ALDH3B1: variants seen among roughly 807,000 people sequenced by gnomAD.
ALDH3B1 encodes the protein aldehyde dehydrogenase 3 family member B1.
In ALDH3B1, 37 loss-of-function variants were observed where a neutral mutation model predicts 46.2. The ratio of observed to expected loss-of-function variants is 0.80; its 90% CI spans 0.62 to 1.05. ALDH3B1 has a LOEUF of 1.05. Among genes scored for constraint, ALDH3B1 ranks in the 50% least tolerant of loss-of-function variants. ALDH3B1 has a pLI of 0.00. For synonymous variants in ALDH3B1, 283 were observed against 281.0 expected (o/e 1.01, Z -0.07); for missense variants, 603 against 665.5 (o/e 0.91, Z 1.03).
chr11:68,023,113 G>A (rs574958755), intron 8 of ALDH3B1, among the ~76,000 whole-genome samples: 7 of 152,226 alleles, frequency 4.6e-5, no homozygotes, highest in South Asian at 2.1e-4. Context: ...GCAACGTGTC[G>A]GGGATGACCC....
chr11:68,010,974 T>A (rs1857217168), intron 1 of ALDH3B1, among the ~76,000 whole-genome samples: 1 of 152,214 alleles, frequency 6.6e-6, no homozygotes, highest in Non-Finnish European at 1.5e-5. Flanking sequence ...GAGCCGAGGC[T>A]GTTCAGCCTC....
chr11:68,027,985 C>T lies in ALDH3B1; in HGVS notation c.*46C>T, dbSNP rs1281055369. 6.4e-7 allele frequency: 1 copy of T among 1,561,004 alleles called. No homozygotes were observed. The highest frequency in any genetic ancestry group is 8.6e-7 in the Non-Finnish European group (1 of 1,161,170). ...TGTAGACCACCATGACAGCTGTCGCCTGCGGCTGGTGGAGACGGGGCCTGG... is the reference window on the plus strand; with the variant it reads ...TGTAGACCACCATGACAGCTGTCGCTTGCGGCTGGTGGAGACGGGGCCTGG... On this transcript the variant is annotated 3_prime_UTR_variant, in exon 10 of 10. Coordinates refer to ENST00000342456, the MANE Select transcript of ALDH3B1 (RefSeq NM_000694.4).
rs763412863 is a variant in ALDH3B1, at chr11:68,021,744, C to T, written c.822C>T (p.Asp274=). Residue 274 remains aspartate (D), a synonymous_variant, in exon 7 of 10, where the codon GAC becomes GAT. Transcript: ENST00000342456. ...LQSTITRFYG[D]DPQSSPNLGR... The stretch of plus-strand genomic sequence containing the variant: ...GCACCATCACCCGTTTCTATGGCGA[C>T]GACCCCCAGAGCTCCCCAAACCTGG... 32 of 1,614,068 alleles carry T rather than the reference C, an allele frequency of 2.0e-5. No individual in the cohort carries two copies. The highest frequency in any genetic ancestry group is 2.2e-5 in the East Asian group (1 of 44,888).
upstream of ALDH3B1, chr11:68,008,763 C>A (rs1181669146): frequency 6.6e-6 from 1 of 152,316 alleles, no homozygotes; most frequent in African/African-American, 2.4e-5. Flanking sequence ...GCCCAGAGGC[C>A]CCGGGGCCGG....
chr11:68,021,378 T>G, intron 6 of ALDH3B1, 107 bp from the exon 7 acceptor site: 4 of 1,492,510 alleles, frequency 2.7e-6, no homozygotes, highest in Non-Finnish European at 3.6e-6. Flanking sequence ...CGAGGGCTGC[T>G]GCCCGCTGAC....
intron 6 of ALDH3B1, 76 bp from the exon 7 acceptor site, chr11:68,021,409 G>A: frequency 1.9e-6 from 3 of 1,547,170 alleles, no homozygotes; most frequent in South Asian, 1.2e-5. Context: ...CTCCAGGGAG[G>A]AGCGGGGCCG....
At chr11:68,015,227 G>C in intron 1 of ALDH3B1, 70 bp from the exon 2 acceptor site, 2 of 1,431,320 alleles carry the variant, frequency 1.4e-6, no homozygotes, top group South Asian at 1.5e-5. Flanking sequence ...CCAGACCCTG[G>C]GGCGGCTGGG....
intron 4 of ALDH3B1, 107 bp from the exon 5 acceptor site, chr11:68,019,063 C>T (rs552642246): frequency 1.1e-4 from 164 of 1,462,730 alleles, no homozygotes; most frequent in Non-Finnish European, 1.4e-4. Context: ...CTCTCTGAAC[C>T]AGGTTCTGCA....
At position 68,027,932 on chromosome 11, in the gene ALDH3B1, T is replaced by C. The variant is rs766190163; in HGVS notation, c.1400T>C (p.Leu467Pro). The C allele has an allele frequency of 5.8e-6, 9 of 1,554,444 alleles. No homozygotes were observed. Among genetic ancestry groups the C allele is most frequent in the Non-Finnish European group, 7.8e-6 (9 of 1,155,682 alleles). ...GAGGCCCAAGGCTGCAGCTGCACACTGCTCTGAGCCCTTCCCCAGGCCCAG... is the reference window on the plus strand; with the variant it reads ...GAGGCCCAAGGCTGCAGCTGCACACCGCTCTGAGCCCTTCCCCAGGCCCAG... ...AMEAQGCSCT[L>P]L The change falls in exon 10 of 10, where the codon CTG becomes CCG. Residue 467 changes from leucine to proline, a missense_variant. Coordinates refer to ENST00000342456, the MANE Select transcript of ALDH3B1 (RefSeq NM_000694.4).
At chr11:68,026,581 A>C (rs1590784083) in intron 9 of ALDH3B1, among the ~76,000 whole-genome samples, 1 of 145,340 alleles carries the variant, frequency 6.9e-6, no homozygotes, top group African/African-American at 2.6e-5. Context: ...CCAATCCTCC[A>C]CCCCCCAGAG....
intron 1 of ALDH3B1, among the ~76,000 whole-genome samples, chr11:68,013,766 G>C (rs544310271): frequency 6.6e-6 from 1 of 152,322 alleles, no homozygotes; most frequent in East Asian, 1.9e-4. Context: ...ATGGTGGCTC[G>C]AGAGGCTCGT....
At chr11:68,013,438 C>G (rs1013554752) in intron 1 of ALDH3B1, among the ~76,000 whole-genome samples, 1 of 152,192 alleles carries the variant, frequency 6.6e-6, no homozygotes, top group Admixed American at 6.5e-5. Context: ...GAGAGAGGCA[C>G]AGGCGTGGTT....
Position 68,021,495 on chromosome 11 carries a change from T to C in ALDH3B1, c.573T>C (p.Arg191=), listed in dbSNP as rs770935517. The C allele has an allele frequency of 9.3e-6, 15 of 1,610,924 alleles. No individual in the cohort carries two copies. In the Admixed American group the frequency reaches 1.0e-4, roughly 11 times the overall value. ...TCCTTCCATGCCCAGGGAGCCCTCG[T>C]GTGGGCAAGATTGTTATGACTGCTG... is the stretch of plus-strand genomic sequence containing the variant. ...FDYIFFTGSP[R]VGKIVMTAAA... The change falls in exon 7 of 10, where the codon CGT becomes CGC. Residue 191 remains arginine, a synonymous_variant. Coordinates refer to ENST00000342456, the MANE Select transcript of ALDH3B1 (RefSeq NM_000694.4).
intron 8 of ALDH3B1, chr11:68,024,927 T>C (rs1347649479): frequency 6.6e-6 from 1 of 152,192 alleles, no homozygotes; most frequent in Non-Finnish European, 1.5e-5. Flanking sequence ...GCCTCTTGGG[T>C]TGTGACCACC....
At position 68,018,858 on chromosome 11, in the gene ALDH3B1, T is replaced by C. The variant is rs1315364245; in HGVS notation, c.359T>C (p.Leu120Pro). The C allele has an allele frequency of 1.9e-6, 3 of 1,562,574 alleles. No homozygotes were observed. Among genetic ancestry groups the C allele is most frequent in the East Asian group, 2.4e-5 (1 of 41,588 alleles). Residue 120 changes from leucine (L) to proline (P), a missense_variant, in exon 4 of 10, where the codon CTG (leucine) becomes CCG (proline). Transcript: ENST00000342456. ...IIAPWNYPLN[L>P]TLVPLVGALA... ...GCGCCCTGGAACTATCCGCTGAACC[T>C]GACGCTGGTGCCCCTCGTGGGAGCC...
intron 1 of ALDH3B1, 51 bp from the exon 2 acceptor site, chr11:68,015,246 A>C: frequency 6.9e-7 from 1 of 1,447,138 alleles, no homozygotes; most frequent in Non-Finnish European, 9.1e-7. Context: ...GGTGGTGCCC[A>C]TGAAGGAGGG....
At chr11:68,015,083 T>C (rs1590772293) in intron 1 of ALDH3B1, 5 of 511,572 alleles carry the variant, frequency 9.8e-6, no homozygotes, top group Non-Finnish European at 1.7e-5. Flanking sequence ...CATGTGTGTC[T>C]GGGAGTGCTC....
chr11:68,015,337 G>T lies in ALDH3B1; in HGVS notation c.40G>T (p.Ala14Ser). ...GGACACGCTGCGGCGACTGCGGGAGGCCTTCCACGCGGGGCGCACGCGGCC... is the reference window on the plus strand; with the variant it reads ...GGACACGCTGCGGCGACTGCGGGAGTCCTTCCACGCGGGGCGCACGCGGCC... ...LGDTLRRLRE[A>S]FHAGRTRPAE... Residue 14 changes from alanine to serine, a missense_variant, in exon 2 of 10, where the codon GCC becomes TCC. Coordinates refer to ENST00000342456, the MANE Select transcript of ALDH3B1 (RefSeq NM_000694.4). The T allele has an allele frequency of 2.0e-6, 3 of 1,529,660 alleles. No individual in the cohort carries two copies. The highest frequency in any genetic ancestry group is 2.6e-6 in the Non-Finnish European group (3 of 1,133,946). The allele number at this position is 1,529,660 out of a possible 1,614,324, so 94.8% of individuals were successfully genotyped here.
chr11:68,027,652 T>G, intron 9 of ALDH3B1, 97 bp from the exon 10 acceptor site: 1 of 1,282,026 alleles, frequency 7.8e-7, no homozygotes, highest in Non-Finnish European at 1.1e-6. Flanking sequence ...ATGGGGAAAC[T>G]GAGGCTCAGA....
Sources: allele counts gnomAD v4.1 joint callset (sites outside exome capture counted in the v4.1 genomes callset), GRCh38; gene constraint gnomAD v4.1.1; transcripts MANE v1.5; gene names NCBI Gene and HGNC (gene_info 2026-07-23, HGNC 2026-07-21).